Variants in ADAMTS13 observed in about 807,000 individuals in gnomAD.
ADAMTS13 encodes the protein A disintegrin and metalloproteinase with thrombospondin motifs 13.
A neutral mutation model predicts 155.1 loss-of-function variants in ADAMTS13; 110 were observed. The observed-to-expected ratio is 0.71, with a 90% CI of 0.61 to 0.83. The LOEUF (loss-of-function observed/expected upper bound fraction) is 0.83, where lower values mean the gene tolerates loss of function less well. Ranked by LOEUF, ADAMTS13 falls within the 40% of genes least tolerant of loss-of-function variation. The pLI, the probability that ADAMTS13 is intolerant of heterozygous loss-of-function variation, is 0.00. For missense variants in ADAMTS13, 1,707 were observed against 1,891.7 expected, an observed-to-expected ratio of 0.90 and a Z score of 1.81; for synonymous variants, 758 against 756.4, an observed-to-expected ratio of 1.00 and a Z score of -0.03.
upstream of ADAMTS13, among the ~76,000 whole-genome samples, chr9:133,420,284 G>A (rs781988966): frequency 1.3e-5 from 2 of 151,944 alleles, no homozygotes; most frequent in African/African-American, 2.4e-5. Flanking sequence ...CATGATCCGC[G>A]TGCCTCGTGA....
chr9:133,437,974 G>T, intron 13 of ADAMTS13, 77 bp downstream of exon 13: 1 of 1,604,578 alleles, frequency 6.2e-7, no homozygotes, highest in Non-Finnish European at 8.5e-7. Context: ...CAGGTTGGTG[G>T]GTGCTGGCCC....
chr9:133,455,385 C>T lies in ADAMTS13; in HGVS notation c.3350C>T (p.Pro1117Leu). 1 of 1,612,600 alleles carries T rather than the reference C, an allele frequency of 6.2e-7. No individual in the cohort carries two copies. Among genetic ancestry groups the T allele is most frequent in the Non-Finnish European group, 8.5e-7 (1 of 1,179,956 alleles). The change falls in exon 25 of 29, where the codon CCC (proline) becomes CTC (leucine). Residue 1117 changes from proline to leucine, a missense_variant. Transcript: ENST00000355699. ...PVPADFCQHL[P>L]KPVTVRGCWA... is the part of the protein sequence containing the mutation. ...CCAGCTGATTTCTGCCAGCACTTGC[C>T]CAAGCCGGTGACTGTGCGTGGCTGC...
chr9:133,423,719 A>G (rs1233263048), intron 2 of ADAMTS13, among the ~76,000 whole-genome samples: 1 of 152,216 alleles, frequency 6.6e-6, no homozygotes, highest in Non-Finnish European at 1.5e-5. Context: ...CAGGAGGGCA[A>G]GGCCCACTTT....
At chr9:133,442,967 C>T (rs954428429) in intron 18 of ADAMTS13, among the ~76,000 whole-genome samples, 1 of 152,242 alleles carries the variant, frequency 6.6e-6, no homozygotes, top group Non-Finnish European at 1.5e-5. Context: ...GTGACAATGT[C>T]AGCCCAGTGG....
intron 9 of ADAMTS13, among the ~76,000 whole-genome samples, chr9:133,433,103 G>C (rs1367746624): frequency 1.4e-5 from 2 of 146,066 alleles, no homozygotes; most frequent in African/African-American, 5.1e-5. Context: ...TGTGTATGTT[G>C]GGGGGTCTCT....
chr9:133,445,836 T>C lies in ADAMTS13; in HGVS notation c.2731+17T>C, dbSNP rs781787153. 57 of 1,564,552 alleles carry C rather than the reference T, an allele frequency of 3.6e-5. No homozygotes were observed. Among genetic ancestry groups the C allele is most frequent in the Middle Eastern group, 1.7e-4 (1 of 5,884 alleles). On this transcript the variant is annotated intron_variant, in intron 21 of 28. Coordinates refer to ENST00000355699, the MANE Select transcript of ADAMTS13 (RefSeq NM_139027.6). This position sits in a 1 kb window ranked among gnomAD's most constrained non-coding sequence, Gnocchi z 5.0. ...GCGGGCGAGGTGAGGGCCCCCGGGA[T>C]GCTCCTGGGGACCAGCACTCATGGT...
At chr9:133,453,072 C>T (rs587747265) in intron 23 of ADAMTS13, among the ~76,000 whole-genome samples, 8 of 151,464 alleles carry the variant, frequency 5.3e-5, no homozygotes, top group South Asian at 2.1e-4. Flanking sequence ...GAGGCTGAGG[C>T]GGGAGGATTG....
chr9:133,458,555 CAAAAAAAA>C (rs10699153), intron 28 of ADAMTS13, among the ~76,000 whole-genome samples: 17 of 56,230 alleles, frequency 3.0e-4, no homozygotes, highest in Admixed American at 1.8e-3. Context: ...GACTCTGTCT[CAAAAAAAA>C]AAAAAAAAAA....
chr9:133,444,874 C>T lies in ADAMTS13; in HGVS notation c.2432C>T (p.Ser811Leu), dbSNP rs1554791989. The T allele has an allele frequency of 1.9e-6, 3 of 1,612,986 alleles. No individual in the cohort carries two copies. The highest frequency in any genetic ancestry group is 2.5e-6 in the Non-Finnish European group (3 of 1,180,026). The change falls in exon 20 of 29, where the codon TCA becomes TTA. Residue 811 changes from serine (S) to leucine (L), a missense_variant. Ser to Leu is a moderately radical substitution (Grantham distance 145, BLOSUM62 -2). This residue lies in a region of ADAMTS13 where 961 missense variants were observed against 1,107.9 expected (regional missense o/e 0.87). Coordinates refer to ENST00000355699, the MANE Select transcript of ADAMTS13 (RefSeq NM_139027.6). ...CATGCCATCCTCAGGTGGGAGGTGTCAGAGCCCAGCTCATGCACATCAGCT... is the reference window on the plus strand; with the variant it reads ...CATGCCATCCTCAGGTGGGAGGTGTTAGAGCCCAGCTCATGCACATCAGCT... ...PQPCPARWEV[S>L]EPSSCTSAGG...
chr9:133,426,458 C>T, intron 6 of ADAMTS13, 113 bp downstream of exon 6: 10 of 1,403,208 alleles, frequency 7.1e-6, no homozygotes, highest in Non-Finnish European at 9.8e-6. Context: ...CCAGAGGAGC[C>T]TGTACCCCTC....
Position 133,441,405 on chromosome 9 carries a change from G to C in ADAMTS13, c.1968+880G>C, listed in dbSNP as rs1027292549. ...GTATCCAGATGCTAGCTGCCGAGTGGCTCTCCCATCATCCTCTGCAGTGTG... is the reference window on the plus strand; with the variant it reads ...GTATCCAGATGCTAGCTGCCGAGTGCCTCTCCCATCATCCTCTGCAGTGTG... On this transcript the variant is annotated intron_variant, in intron 16 of 28. Transcript: ENST00000355699. The surrounding 1 kb of genome is among the most constrained non-coding windows in gnomAD (Gnocchi z 5.0). Among the ~76,000 whole-genome samples the C allele has an allele frequency of 5.9e-5, 9 of 152,210 alleles. No homozygotes were observed. Among genetic ancestry groups the C allele is most frequent in the Admixed American group, 1.3e-4 (2 of 15,284 alleles).
At chr9:133,455,199 T>C in intron 24 of ADAMTS13, 86 bp from the exon 25 acceptor site, 1 of 1,424,014 alleles carries the variant, frequency 7.0e-7, no homozygotes, top group Non-Finnish European at 9.8e-7. Flanking sequence ...AAGGATTATA[T>C]TGGATCACTC....
chr9:133,430,296 T>G (rs782140908), intron 8 of ADAMTS13, 195 bp downstream of exon 8: 49 of 820,870 alleles, frequency 6.0e-5, no homozygotes, highest in Non-Finnish European at 9.2e-5. Flanking sequence ...AGCTCCAACA[T>G]TTTTGTTTGA....
intron 28 of ADAMTS13, 113 bp from the exon 29 acceptor site, chr9:133,458,861 C>A: frequency 1.0e-6 from 1 of 990,080 alleles, no homozygotes. Flanking sequence ...CCTAGTAGGG[C>A]TTTGTAAGCA....
chr9:133,442,442 C>G lies in ADAMTS13; in HGVS notation c.2012C>G (p.Pro671Arg). 1 of 1,613,912 alleles carries G rather than the reference C, an allele frequency of 6.2e-7. No homozygotes were observed. The highest frequency in any genetic ancestry group is 8.5e-7 in the Non-Finnish European group (1 of 1,180,046). The change falls in exon 17 of 29, where the codon CCA becomes CGA. Residue 671 changes from proline to arginine, a missense_variant. Physicochemically the swap from Pro to Arg is moderately radical, Grantham distance 103 (BLOSUM62 -2). Transcript: ENST00000355699. The part of the protein sequence containing the change: ...YGEEYGNLTR[P>R]DITFTYFQPK... The stretch of plus-strand genomic sequence containing the variant: ...GAGGAGTATGGCAACCTCACCCGCC[C>G]AGACATCACCTTCACCTACTTCCAG...
In ADAMTS13 at chr9:133,426,227, C is replaced by T. The variant is rs782650307; in HGVS notation, c.568C>T (p.Arg190Trp). 17 of 1,613,554 alleles carry T rather than the reference C, an allele frequency of 1.1e-5. No individual in the cohort carries two copies. Among genetic ancestry groups the T allele is most frequent in the South Asian group, 9.9e-5 (9 of 91,088 alleles). The change falls in exon 6 of 29, where the codon CGG becomes TGG. Residue 190 changes from arginine (R) to tryptophan (W), a missense_variant. Arg to Trp is a moderately radical substitution (Grantham distance 101, BLOSUM62 -3). Transcript: ENST00000355699. Reference sequence around the variant, plus strand: ...TGACCTGGAGTTGCCTGATGGTAACCGGCAGGTGCGGGGCGTCACCCAGCT... The same window carrying T: ...TGACCTGGAGTTGCCTGATGGTAACTGGCAGGTGCGGGGCGTCACCCAGCT... ...RFDLELPDGNRQVRGVTQLGG... is the reference protein window; with the variant it reads ...RFDLELPDGNWQVRGVTQLGG...
chr9:133,455,320 G>T lies in ADAMTS13; in HGVS notation c.3285G>T (p.Arg1095=), dbSNP rs1554795411. 6.2e-7 allele frequency: 1 copy of T among 1,606,602 alleles called. No homozygotes were observed. Among genetic ancestry groups the T allele is most frequent in the Admixed American group, 1.7e-5 (1 of 60,030 alleles). Residue 1095 remains arginine, a synonymous_variant, in exon 25 of 29, where the codon CGG becomes CGT. Coordinates refer to ENST00000355699, the MANE Select transcript of ADAMTS13 (RefSeq NM_139027.6). ...CCTGTGGGGATGGCATCCAGCGCCG[G>T]CGTGACACCTGCCTCGGACCCCAGG... ...SVSCGDGIQR[R]RDTCLGPQAQ...
At chr9:133,446,983 G>A (rs587708681) in intron 21 of ADAMTS13, among the ~76,000 whole-genome samples, 4 of 152,174 alleles carry the variant, frequency 2.6e-5, no homozygotes, top group South Asian at 2.1e-4. Context: ...TCAGCCTCCC[G>A]AGTAGCTAGG....
chr9:133,443,594 G>A (rs1554791620), intron 19 of ADAMTS13, 33 bp downstream of exon 19: 1 of 1,516,320 alleles, frequency 6.6e-7, no homozygotes, highest in African/African-American at 1.4e-5. Flanking sequence ...CTGGGAGAGG[G>A]CCTTCCTGGC....
Sources: gnomAD v4.1 joint callset for allele counts (sites outside exome capture counted in the v4.1 genomes callset) on GRCh38, gnomAD v4.1.1 for gene constraint, gnomAD v4.1.1 regional missense constraint, Gnocchi (gnomAD v3.1) non-coding constraint, MANE v1.5 for transcripts, NCBI Gene and HGNC (gene_info 2026-07-23, HGNC 2026-07-21) for gene names.